Variants in BCAR3 observed in about 807,000 individuals in gnomAD.
BCAR3 encodes the protein breast cancer anti-estrogen resistance protein 3.
Under a neutral mutation model 80.1 loss-of-function variants are expected in BCAR3, and 37 were observed. That is an observed-to-expected ratio of 0.46 (90% confidence interval 0.36 to 0.61). BCAR3 has a LOEUF of 0.61. BCAR3 is among the 20% of genes least tolerant of loss of function. The pLI is 0.00. For synonymous variants in BCAR3, 389 were observed against 418.9 expected, an observed-to-expected ratio of 0.93 and a Z score of 0.87; for missense variants, 978 against 1,068.2, an observed-to-expected ratio of 0.92 and a Z score of 1.18.
chr1:93,837,695 C>A (rs187356850), intron 2 of BCAR3, among the ~76,000 whole-genome samples: 32 of 152,320 alleles, frequency 2.1e-4, no homozygotes, highest in African/African-American at 7.2e-4. Context: ...TGTAAGTAAG[C>A]CATATCAGGT....
chr1:93,844,748 G>A (rs1229863190), intron 2 of BCAR3, among the ~76,000 whole-genome samples: 2 of 139,038 alleles, frequency 1.4e-5, no homozygotes, highest in African/African-American at 2.7e-5. Flanking sequence ...TCATTCTGTC[G>A]CCCAGGCTGG....
At chr1:93,842,305 C>A (rs1193954090) in intron 2 of BCAR3, among the ~76,000 whole-genome samples, 6 of 152,234 alleles carry the variant, frequency 3.9e-5, no homozygotes, top group Non-Finnish European at 5.9e-5. Context: ...GCATGTGCCA[C>A]CACACCTGGG....
At chr1:93,772,089 A>G (rs1204285444) in intron 2 of BCAR3, among the ~76,000 whole-genome samples, 4 of 152,210 alleles carry the variant, frequency 2.6e-5, no homozygotes, top group Non-Finnish European at 4.4e-5. Flanking sequence ...TAGCCTCATC[A>G]GAGGTGAGGG....
intron 3 of BCAR3, among the ~76,000 whole-genome samples, chr1:93,703,635 T>C (rs182616282): frequency 5.9e-4 from 90 of 151,990 alleles, no homozygotes; most frequent in African/African-American, 1.9e-3. Flanking sequence ...AATGATAATA[T>C]ACTACATTTA....
Position 93,582,457 on chromosome 1 carries a change from C to T in BCAR3, c.1530G>A (p.Glu510=). The T allele has an allele frequency of 6.2e-7, 1 of 1,614,188 alleles. No homozygotes were observed. The change falls in exon 7 of 12, where the codon GAG becomes GAA. Residue 510 remains glutamate, a synonymous_variant. Transcript: ENST00000260502. ...DKGEFVTPLL[E]TVSSFRPNEF... is the part of the protein sequence containing the mutation. ...CGTTGGGCCTGAAGGAGGAGACAGT[C>T]TCCAGGAGGGGCGTCACAAACTCGC...
At chr1:93,731,338 C>T (rs1342950753) in intron 2 of BCAR3, among the ~76,000 whole-genome samples, 1 of 152,188 alleles carries the variant, frequency 6.6e-6, no homozygotes, top group Non-Finnish European at 1.5e-5. Context: ...GGGAATATAA[C>T]AGGTTAACAA....
At chr1:93,668,480 T>G (rs1557647118) in intron 2 of BCAR3, among the ~76,000 whole-genome samples, 1 of 152,146 alleles carries the variant, frequency 6.6e-6, no homozygotes, top group Non-Finnish European at 1.5e-5. Flanking sequence ...GACCGGGACA[T>G]TCACCATTCC....
At chr1:93,573,636 T>TTA (rs1557838379) in intron 8 of BCAR3, among the ~76,000 whole-genome samples, 51 of 134,526 alleles carry the variant, frequency 3.8e-4, no homozygotes, top group East Asian at 3.7e-3. Context: ...TATTATTATT[T>TTA]TTTTTTTTTT....
At chr1:93,583,094 G>T in intron 6 of BCAR3, 141 bp from the exon 7 acceptor site, 1 of 1,052,108 alleles carries the variant, frequency 9.5e-7, no homozygotes, top group South Asian at 1.7e-5. Flanking sequence ...AGAAAATTCA[G>T]TGTGACTGTC....
At chr1:93,740,046 A>G (rs1342798725) in intron 2 of BCAR3, among the ~76,000 whole-genome samples, 1 of 151,904 alleles carries the variant, frequency 6.6e-6, no homozygotes, top group East Asian at 1.9e-4. Flanking sequence ...AAAAAAAAAA[A>G]AAAGAAAGAA....
chr1:93,705,593 C>T (rs891590278), intron 3 of BCAR3, among the ~76,000 whole-genome samples: 1 of 152,250 alleles, frequency 6.6e-6, no homozygotes, highest in Non-Finnish European at 1.5e-5. Flanking sequence ...GCTCCCTTCT[C>T]AGGGTCTGTT....
chr1:93,783,357 G>A (rs1219737522), intron 2 of BCAR3, among the ~76,000 whole-genome samples: 1 of 152,184 alleles, frequency 6.6e-6, no homozygotes, highest in Non-Finnish European at 1.5e-5. Context: ...TAAAAAATGT[G>A]TAGGACATTT....
intron 2 of BCAR3, among the ~76,000 whole-genome samples, chr1:93,739,909 G>A (rs1651118476): frequency 6.6e-6 from 1 of 152,038 alleles, no homozygotes; most frequent in Non-Finnish European, 1.5e-5. Flanking sequence ...CATGGCCCAT[G>A]CCTGTAATCC....
chr1:93,831,089 T>C (rs1388990067), intron 2 of BCAR3, among the ~76,000 whole-genome samples: 5 of 152,176 alleles, frequency 3.3e-5, no homozygotes, highest in African/African-American at 1.2e-4. Flanking sequence ...CCTTGGTGTT[T>C]AATCACTGTG....
chr1:93,798,037 C>T lies in BCAR3; in HGVS notation c.-63+47530G>A, dbSNP rs1342291122. On this transcript the variant is annotated intron_variant, in intron 2 of 13. Coordinates refer to the BCAR3 transcript ENST00000370244. Reference sequence around the variant, plus strand: ...TGGATTATATATAGGACAAATTGGACATTTAGCACAAACCTTATGAACTAC... The same window carrying T: ...TGGATTATATATAGGACAAATTGGATATTTAGCACAAACCTTATGAACTAC... 2.6e-5 allele frequency among the ~76,000 whole-genome samples: 4 copies of T among 152,186 alleles called. No homozygotes were observed. The South Asian group carries it at 6.2e-4, about 24-fold the overall frequency.
Position 93,582,556 on chromosome 1 carries a change from G to A in BCAR3, c.1431C>T (p.Ile477=). 6.2e-7 allele frequency: 1 copy of A among 1,613,498 alleles called. No individual in the cohort carries two copies. Among genetic ancestry groups the A allele is most frequent in the East Asian group, 2.2e-5 (1 of 44,816 alleles). The part of the protein sequence containing the change: ...GPRNSGVNYL[I]LDDDDRERPW... ...GTCTTTCCCTGTCATCATCATCAAGGATCAAGTAGTTGACGCCAGAGTTCC... is the reference window on the plus strand; with the variant it reads ...GTCTTTCCCTGTCATCATCATCAAGAATCAAGTAGTTGACGCCAGAGTTCC... The change falls in exon 7 of 12, where the codon ATC becomes ATT. Residue 477 remains isoleucine (I), a synonymous_variant. Transcript: ENST00000260502.
intron 3 of BCAR3, among the ~76,000 whole-genome samples, chr1:93,642,059 C>CAGA (rs1467543157): frequency 1.3e-5 from 2 of 152,238 alleles, no homozygotes; most frequent in Admixed American, 6.5e-5. Flanking sequence ...AACAAACAAA[C>CAGA]AAACTCTGAA....
chr1:93,819,324 G>A (rs183023813), intron 2 of BCAR3, among the ~76,000 whole-genome samples: 2 of 152,124 alleles, frequency 1.3e-5, no homozygotes, highest in Non-Finnish European at 2.9e-5. Context: ...TCGGCCTCCC[G>A]AAGTGCTGGG....
chr1:93,766,590 A>G (rs183197039), intron 2 of BCAR3, among the ~76,000 whole-genome samples: 2 of 152,360 alleles, frequency 1.3e-5, no homozygotes, highest in South Asian at 2.1e-4. Context: ...CACAGCACAC[A>G]TCCAGCCTGA....
Sources: allele counts gnomAD v4.1 joint callset (sites outside exome capture counted in the v4.1 genomes callset), GRCh38; gene constraint gnomAD v4.1.1; transcripts MANE v1.5; gene names NCBI Gene and HGNC (gene_info 2026-07-23, HGNC 2026-07-21).